The following DDX60L variants were observed in gnomAD, a reference collection of about 807,000 sequenced individuals.
DDX60L encodes DExD/H-box 60 like, also known as probable ATP-dependent RNA helicase DDX60-like.
A neutral mutation model predicts 211.6 loss-of-function variants in DDX60L; 191 were observed. That is an observed-to-expected ratio of 0.90 (90% CI 0.80 to 1.02). The LOEUF is 1.02. DDX60L is among the 50% of genes least tolerant of loss of function. DDX60L has a pLI of 0.00. For missense variants in DDX60L, 2,007 were observed against 1,984.1 expected (o/e 1.01, Z -0.22); for synonymous variants, 706 against 694.1 (o/e 1.02, Z -0.27).
At chr4:168,472,199 A>G (rs1398661363) in intron 3 of DDX60L, among the ~76,000 whole-genome samples, 2 of 152,232 alleles carry the variant, frequency 1.3e-5, no homozygotes, top group Non-Finnish European at 2.9e-5. Context: ...TGAACTTGAG[A>G]ATATGATTCT....
intron 9 of DDX60L, among the ~76,000 whole-genome samples, chr4:168,447,919 C>A (rs1312307999): frequency 6.7e-6 from 1 of 148,986 alleles, no homozygotes; most frequent in Non-Finnish European, 1.5e-5. Context: ...GGGAGATATA[C>A]CTAATGCTAG....
chr4:168,430,550 A>G lies in DDX60L; in HGVS notation c.1605T>C (p.Ser535=), dbSNP rs1752190125. Residue 535 remains serine (S), a synonymous_variant, in exon 13 of 38, where the codon TCT becomes TCC. Coordinates refer to ENST00000682922, the MANE Select transcript of DDX60L (RefSeq NM_001012967.3). ...QFYGKSLESI[S]TKVIVTQTTR... The stretch of plus-strand genomic sequence containing the variant: ...TAGTTTGAGTCACAATGACTTTCGT[A>G]GAGATTGATTCTAACGATTTCCCAT... The G allele has an allele frequency of 6.2e-7, 1 of 1,611,058 alleles. No individual in the cohort carries two copies. Among genetic ancestry groups the G allele is most frequent in the Non-Finnish European group, 8.5e-7 (1 of 1,178,664 alleles).
At chr4:168,373,298 G>A (rs1163187921) in intron 35 of DDX60L, among the ~76,000 whole-genome samples, 1 of 151,988 alleles carries the variant, frequency 6.6e-6, no homozygotes, top group Non-Finnish European at 1.5e-5. Flanking sequence ...CCCCTTTGTA[G>A]ACCACTGTCC....
At chr4:168,425,124 A>G (rs770410062) in intron 14 of DDX60L, among the ~76,000 whole-genome samples, 3 of 152,244 alleles carry the variant, frequency 2.0e-5, no homozygotes, top group Non-Finnish European at 4.4e-5. Context: ...CTAAGTTCCC[A>G]GTGACACTGA....
chr4:168,438,239 A>G (rs1167672012), intron 10 of DDX60L, among the ~76,000 whole-genome samples: 1 of 152,132 alleles, frequency 6.6e-6, no homozygotes, highest in Admixed American at 6.5e-5. Flanking sequence ...AAATCTACCT[A>G]TAATCTGTAA....
intron 6 of DDX60L, among the ~76,000 whole-genome samples, chr4:168,456,833 T>C (rs1756631179): frequency 6.6e-6 from 1 of 152,178 alleles, no homozygotes; most frequent in Non-Finnish European, 1.5e-5. Context: ...TAAGAAAATA[T>C]AATGCACTCA....
At chr4:168,453,051 T>C in intron 8 of DDX60L, 73 bp downstream of exon 8, 3 of 1,402,742 alleles carry the variant, frequency 2.1e-6, no homozygotes, top group Non-Finnish European at 2.9e-6. Context: ...TATTCCAATA[T>C]AACTCTAGTT....
intron 24 of DDX60L, among the ~76,000 whole-genome samples, chr4:168,405,256 C>A (rs776920344): frequency 6.6e-6 from 1 of 152,190 alleles, no homozygotes; most frequent in Non-Finnish European, 1.5e-5. Context: ...GATCCACTCG[C>A]CTCAGCTTCC....
intron 26 of DDX60L, 82 bp downstream of exon 26, chr4:168,400,744 G>A (rs764312157): frequency 7.3e-6 from 9 of 1,228,594 alleles, no homozygotes; most frequent in Non-Finnish European, 1.0e-5. Context: ...TTGTGGCTCA[G>A]GTCTCTAAAC....
intron 29 of DDX60L, among the ~76,000 whole-genome samples, chr4:168,387,935 A>C (rs1744177846): frequency 6.6e-6 from 1 of 152,166 alleles, no homozygotes; most frequent in Admixed American, 6.5e-5. Flanking sequence ...TCTCATCTGA[A>C]GTCTCACATC....
At chr4:168,423,114 C>T (rs1294711513) in intron 15 of DDX60L, among the ~76,000 whole-genome samples, 1 of 151,958 alleles carries the variant, frequency 6.6e-6, no homozygotes, top group Admixed American at 6.6e-5. Flanking sequence ...AGCTACCATG[C>T]CTGGCCTACT....
intron 1 of DDX60L, among the ~76,000 whole-genome samples, chr4:168,479,122 TGATGGATGGATGGATGGATGGATG>T (rs35832532): frequency 7.1e-6 from 1 of 141,782 alleles, no homozygotes; most frequent in Non-Finnish European, 1.6e-5. Context: ...GATGGCTGGA[TGATGGATGGATGGATGGATGGATG>T]GATGGATGGA....
rs372229651 is a variant in DDX60L at position 168,441,422 on chromosome 4, C to G, written c.1209G>C (p.Leu403=). The change falls in exon 10 of 38, where the codon CTG becomes CTC. Residue 403 remains leucine (L), a synonymous_variant. Coordinates refer to ENST00000682922, the MANE Select transcript of DDX60L (RefSeq NM_001012967.3). ...ACTTTCCAACGTTAAATTCTTTAAC[C>G]AGGTGTGACACAACATTCCACAGGT... ...YEDLWNVVSH[L]VKEFNVGKSF... is the part of the protein sequence containing the mutation. 6.2e-7 allele frequency: 1 copy of G among 1,612,562 alleles called. No homozygotes were observed. Among genetic ancestry groups the G allele is most frequent in the African/African-American group, 1.3e-5 (1 of 74,814 alleles).
At chr4:168,373,284 T>G (rs1741347441) in intron 35 of DDX60L, among the ~76,000 whole-genome samples, 1 of 152,182 alleles carries the variant, frequency 6.6e-6, no homozygotes, top group South Asian at 2.1e-4. Flanking sequence ...TAATGCTTTG[T>G]GGCCCCCTTT....
intron 9 of DDX60L, 84 bp downstream of exon 9, chr4:168,448,554 G>A: frequency 1.9e-6 from 2 of 1,030,030 alleles, no homozygotes; most frequent in South Asian, 3.3e-5. Flanking sequence ...AAACAAAAAT[G>A]TTGCTGTGGT....
chr4:168,430,491 C>A lies in DDX60L; in HGVS notation c.1664G>T (p.Gly555Val), dbSNP rs371272802. The A allele has an allele frequency of 2.4e-5, 38 of 1,597,142 alleles. 1 individual carries two copies. In the African/African-American group the frequency reaches 5.0e-4, roughly 21 times the overall value. Residue 555 changes from glycine (G) to valine (V), a missense_variant, in exon 13 of 38, where the codon GGT (glycine) becomes GTT (valine). Transcript: ENST00000682922. ...RPKEDSSGAS[G>V]EILQNTKPHQ... The stretch of plus-strand genomic sequence containing the variant: ...TTTGCGATCTACCTGTAATATTTCA[C>A]CACTGGCACCACTGGAATCCTCCTT...
intron 5 of DDX60L, among the ~76,000 whole-genome samples, chr4:168,461,002 T>C (rs1016725612): frequency 3.9e-5 from 6 of 152,178 alleles, no homozygotes; most frequent in African/African-American, 1.4e-4. Context: ...ATGGCCCCAG[T>C]AACACCCTGG....
intron 6 of DDX60L, among the ~76,000 whole-genome samples, chr4:168,457,192 G>A (rs1464134111): frequency 1.3e-5 from 2 of 150,374 alleles, no homozygotes; most frequent in East Asian, 1.9e-4. Flanking sequence ...CTCCAGAATG[G>A]GCAACAGAGT....
intron 21 of DDX60L, 34 bp downstream of exon 21, chr4:168,415,623 A>G: frequency 3.4e-6 from 5 of 1,464,506 alleles, no homozygotes; most frequent in South Asian, 2.7e-5. Context: ...AAAATATAAA[A>G]ATATATAGTA....
Sources: allele counts gnomAD v4.1 joint callset (sites outside exome capture counted in the v4.1 genomes callset), GRCh38; gene constraint gnomAD v4.1.1; transcripts MANE v1.5; gene names NCBI Gene and HGNC (gene_info 2026-07-23, HGNC 2026-07-21).